EPHB2: variants seen among roughly 807,000 people sequenced by gnomAD.
EPHB2 encodes ephrin type-B receptor 2.
Under a neutral mutation model 96.4 loss-of-function variants are expected in EPHB2, and 18 were observed. The ratio of observed to expected loss-of-function variants is 0.19; its 90% CI spans 0.13 to 0.28. The LOEUF (loss-of-function observed/expected upper bound fraction) is 0.28. Among genes scored for constraint, EPHB2 ranks in the 10% least tolerant of loss-of-function variants. The pLI, the probability that EPHB2 is intolerant of heterozygous loss-of-function variation, is 1.00. For missense variants in EPHB2, 989 were observed against 1,355.4 expected (o/e 0.73, Z 4.25); for synonymous variants, 506 against 534.1 (o/e 0.95, Z 0.72).
intron 5 of EPHB2, among the ~76,000 whole-genome samples, chr1:22,879,307 A>G (rs760758879): frequency 1.4e-4 from 22 of 152,226 alleles, no homozygotes; most frequent in Admixed American, 5.2e-4. Context: ...CCGGGCCAGC[A>G]CAAGGGATGA....
rs1263981767 is a variant in EPHB2 at position 22,914,763 on chromosome 1, A to C, written c.*1193A>C. The C allele has an allele frequency of 6.6e-6, 1 of 152,600 alleles. No homozygotes were observed. The highest frequency in any genetic ancestry group is 1.5e-5 in the Non-Finnish European group (1 of 68,040). 9.5% of individuals were successfully genotyped at this position (152,600 alleles called of 1,614,324 possible). The stretch of plus-strand genomic sequence containing the variant: ...CCAGGCCTCACCAAAGCCCACTGCC[A>C]TGGGGCCATCTGGGCCATTCAGAGA... On this transcript the variant is annotated 3_prime_UTR_variant, in exon 16 of 16. Transcript: ENST00000374630.
intron 3 of EPHB2, among the ~76,000 whole-genome samples, chr1:22,800,962 C>T (rs1445829010): frequency 2.6e-5 from 4 of 152,226 alleles, no homozygotes; most frequent in Non-Finnish European, 5.9e-5. Context: ...CCATCCCTGG[C>T]CCGCCCATCT....
intron 5 of EPHB2, among the ~76,000 whole-genome samples, chr1:22,874,950 TC>T (rs1638790277): frequency 1.3e-5 from 2 of 152,288 alleles, no homozygotes; most frequent in African/African-American, 4.8e-5. Flanking sequence ...ACTGGATGTC[TC>T]CCCTGCGGGA....
intron 4 of EPHB2, among the ~76,000 whole-genome samples, chr1:22,864,034 CTTTTTTTTTTTTT>C (rs201727615): frequency 0.76 from 100,973 of 133,688 alleles, 39,205 homozygotes; most frequent in Non-Finnish European, 0.89. Context: ...AGTTTCTGTT[CTTTTTTTTTTTTT>C]TTTTTTTTTT....
At chr1:22,744,431 A>G (rs897066898) in intron 1 of EPHB2, among the ~76,000 whole-genome samples, 4 of 149,326 alleles carry the variant, frequency 2.7e-5, no homozygotes, top group African/African-American at 7.4e-5. Flanking sequence ...TGTATGTTGT[A>G]TATATATATA....
intron 9 of EPHB2, among the ~76,000 whole-genome samples, chr1:22,897,170 C>A (rs1324024140): frequency 6.6e-6 from 1 of 152,184 alleles, no homozygotes; most frequent in African/African-American, 2.4e-5. Flanking sequence ...GTATGTGCCA[C>A]ACACACAGAG....
chr1:22,765,546 CAAAA>C (rs10667863), intron 1 of EPHB2, among the ~76,000 whole-genome samples: 1 of 115,246 alleles, frequency 8.7e-6, no homozygotes. Flanking sequence ...GACCCTGTCG[CAAAA>C]AAAAAAAAAA....
intron 2 of EPHB2, among the ~76,000 whole-genome samples, chr1:22,782,572 C>T (rs761789760): frequency 3.9e-5 from 6 of 152,110 alleles, no homozygotes; most frequent in African/African-American, 7.2e-5. Context: ...GGGCCCACAG[C>T]CCCACCTTGC....
intron 1 of EPHB2, among the ~76,000 whole-genome samples, chr1:22,743,666 T>C (rs1040027549): frequency 4.6e-5 from 7 of 152,116 alleles, no homozygotes; most frequent in African/African-American, 1.4e-4. Flanking sequence ...AGAGATGGGG[T>C]TTCACCACGT....
intron 1 of EPHB2, among the ~76,000 whole-genome samples, chr1:22,723,245 T>C (rs1016360230): frequency 1.3e-5 from 2 of 152,220 alleles, no homozygotes; most frequent in Admixed American, 1.3e-4. Flanking sequence ...CTTCTCCGCC[T>C]CTCACGGGGA....
intron 1 of EPHB2, among the ~76,000 whole-genome samples, chr1:22,727,024 G>T (rs1259373917): frequency 6.6e-6 from 1 of 152,232 alleles, no homozygotes; most frequent in African/African-American, 2.4e-5. Context: ...GAAAGAAATG[G>T]CAGGAGAGGT....
intron 1 of EPHB2, among the ~76,000 whole-genome samples, chr1:22,727,066 A>T (rs1557638718): frequency 6.6e-6 from 1 of 152,182 alleles, no homozygotes; most frequent in Non-Finnish European, 1.5e-5. Context: ...TTGAGTGATG[A>T]GCTATGGCTG....
intron 3 of EPHB2, among the ~76,000 whole-genome samples, chr1:22,799,511 G>T (rs1254942754): frequency 2.0e-5 from 3 of 152,202 alleles, no homozygotes; most frequent in Non-Finnish European, 4.4e-5. Flanking sequence ...GACTCAAGGA[G>T]ATAATGAAAA....
chr1:22,872,535 A>C (rs1346435704), intron 5 of EPHB2, among the ~76,000 whole-genome samples: 4 of 152,184 alleles, frequency 2.6e-5, no homozygotes, highest in African/African-American at 9.7e-5. Context: ...ACCTACATCA[A>C]ATTACAACTC....
intron 1 of EPHB2, among the ~76,000 whole-genome samples, chr1:22,720,609 G>C (rs1433253808): frequency 7.0e-6 from 1 of 143,860 alleles, no homozygotes; most frequent in African/African-American, 2.6e-5. Context: ...GTAGTTTATC[G>C]TCCAGTCCAG....
At chr1:22,796,952 A>C (rs569167588) in intron 3 of EPHB2, among the ~76,000 whole-genome samples, 19 of 152,322 alleles carry the variant, frequency 1.2e-4, no homozygotes, top group African/African-American at 4.1e-4. Context: ...GTGAAATCCA[A>C]AGCCTGTACT....
chr1:22,775,131 T>C (rs777715130), intron 1 of EPHB2: 86 of 772,918 alleles, frequency 1.1e-4, no homozygotes, highest in Non-Finnish European at 1.7e-4. Context: ...GACTTTGTTG[T>C]TTTGTGTTGT....
intron 1 of EPHB2, among the ~76,000 whole-genome samples, chr1:22,727,365 G>GCTGC (rs1643603159): frequency 6.6e-6 from 1 of 152,248 alleles, no homozygotes; most frequent in African/African-American, 2.4e-5. Context: ...GGGCAGAGCA[G>GCTGC]CTGCCTGCCT....
intron 3 of EPHB2, among the ~76,000 whole-genome samples, chr1:22,823,792 A>G (rs1645185647): frequency 6.6e-6 from 1 of 152,178 alleles, no homozygotes; most frequent in South Asian, 2.1e-4. Flanking sequence ...TTCCTTCTCT[A>G]CCCCAGCACC....
Sources: gnomAD v4.1 joint callset for allele counts (sites outside exome capture counted in the v4.1 genomes callset) on GRCh38, gnomAD v4.1.1 for gene constraint, MANE v1.5 for transcripts, NCBI Gene and HGNC (gene_info 2026-07-23, HGNC 2026-07-21) for gene names.